AHNAK: variants seen among roughly 807,000 people sequenced by gnomAD.
The protein encoded by AHNAK is neuroblast differentiation-associated protein AHNAK.
AHNAK carries 23 observed loss-of-function variants against 37.8 expected under a neutral mutation model. The observed-to-expected ratio is 0.61, with a 90% CI of 0.44 to 0.86. AHNAK has a LOEUF of 0.86. Among genes scored for constraint, AHNAK ranks in the 40% least tolerant of loss-of-function variants. The pLI, the probability that AHNAK is intolerant of heterozygous loss-of-function variation, is 0.00. For missense variants in AHNAK, 7,411 were observed against 7,319.4 expected, an observed-to-expected ratio of 1.01 and a Z score of -0.46; for synonymous variants, 2,481 against 2,636.3, an observed-to-expected ratio of 0.94 and a Z score of 1.80.
chr11:62,525,476 C>T lies in AHNAK; in HGVS notation c.8941G>A (p.Val2981Met). ...HLKGPKVKGD[V>M]DISLPKVEGD... ...TCCACTTTGGGCAGAGAAATATCCA[C>T]ATCGCCCTTCACCTTGGGACCTTTC... The change falls in exon 5 of 5, where the codon GTG (valine) becomes ATG (methionine). Residue 2981 changes from valine to methionine, a missense_variant. By Grantham distance (21) the Val-to-Met change is conservative. Coordinates refer to ENST00000378024, the MANE Select transcript of AHNAK (RefSeq NM_001620.3). 6.2e-7 allele frequency: 1 copy of T among 1,612,882 alleles called. No homozygotes were observed. Among genetic ancestry groups the T allele is most frequent in the Non-Finnish European group, 8.5e-7 (1 of 1,179,746 alleles).
intron 5 of AHNAK, among the ~76,000 whole-genome samples, chr11:62,462,253 C>G (rs1039952925): frequency 1.3e-5 from 2 of 151,996 alleles, no homozygotes; most frequent in East Asian, 1.9e-4. Flanking sequence ...ACCTGACCTC[C>G]GCCCTCCCAT....
Position 62,439,318 on chromosome 11 carries a change from G to A in AHNAK, c.443-5427C>T, listed in dbSNP as rs558670460. 3.3e-5 allele frequency among the ~76,000 whole-genome samples: 5 copies of A among 151,788 alleles called. No individual in the cohort carries two copies. In the South Asian group the frequency reaches 8.3e-4, roughly 25 times the overall value. On this transcript the variant is annotated intron_variant, in intron 5 of 5. Coordinates refer to the AHNAK transcript ENST00000257247. ...TCGCTGTTTTAGTCAGGATGGTCTCGAACTCCTGACCTTGTGATCCGCCCA... is the reference window on the plus strand; with the variant it reads ...TCGCTGTTTTAGTCAGGATGGTCTCAAACTCCTGACCTTGTGATCCGCCCA...
intron 5 of AHNAK, among the ~76,000 whole-genome samples, chr11:62,484,917 G>A (rs1939358896): frequency 6.6e-6 from 1 of 152,166 alleles, no homozygotes; most frequent in Admixed American, 6.5e-5. Flanking sequence ...AGCCTCCAGG[G>A]TAGCTGGGAT....
intron 5 of AHNAK, among the ~76,000 whole-genome samples, chr11:62,486,426 T>C (rs1388235411): frequency 6.6e-6 from 1 of 151,802 alleles, no homozygotes; most frequent in Non-Finnish European, 1.5e-5. Flanking sequence ...TGAGCCAAGA[T>C]TGTGCCATTT....
chr11:62,545,800 C>T (rs1941288828), intron 1 of AHNAK: 1 of 152,450 alleles, frequency 6.6e-6, no homozygotes, highest in Non-Finnish European at 1.5e-5. Flanking sequence ...CCACATTCCT[C>T]AGGCTGCTGG....
At chr11:62,447,936 G>T (rs1378475578) in intron 5 of AHNAK, among the ~76,000 whole-genome samples, 1 of 152,142 alleles carries the variant, frequency 6.6e-6, no homozygotes, top group African/African-American at 2.4e-5. Context: ...TGCTCTGAAT[G>T]AAATGACTGG....
Position 62,534,025 on chromosome 11 carries a change from G to A in AHNAK, c.392C>T (p.Pro131Leu). ...CACTCCATCTTCCGACTTCAGCCGTGGCTTGATCTTCGTGGTGTAGATGCG... is the reference window on the plus strand; with the variant it reads ...CACTCCATCTTCCGACTTCAGCCGTAGCTTGATCTTCGTGGTGTAGATGCG... ...YQRIYTTKIK[P>L]RLKSEDGVEG... Residue 131 changes from proline (P) to leucine (L), a missense_variant, in exon 5 of 5, where the codon CCA (proline) becomes CTA (leucine). Coordinates refer to ENST00000378024, the MANE Select transcript of AHNAK (RefSeq NM_001620.3). The A allele has an allele frequency of 6.3e-7, 1 of 1,580,300 alleles. No individual in the cohort carries two copies. Among genetic ancestry groups the A allele is most frequent in the Non-Finnish European group, 8.6e-7 (1 of 1,161,852 alleles).
At chr11:62,495,786 TG>T (rs1028108127) in intron 4 of AHNAK, among the ~76,000 whole-genome samples, 46 of 147,524 alleles carry the variant, frequency 3.1e-4, no homozygotes, top group African/African-American at 1.1e-3. Flanking sequence ...CAGTGGCTCA[TG>T]CCTGTAATCC....
At chr11:62,538,304 G>A (rs540551893) in intron 1 of AHNAK, among the ~76,000 whole-genome samples, 1 of 152,288 alleles carries the variant, frequency 6.6e-6, no homozygotes, top group East Asian at 1.9e-4. Context: ...TGCCACACCA[G>A]GCCCTGAGCC....
intron 5 of AHNAK, among the ~76,000 whole-genome samples, chr11:62,436,992 A>T (rs1590576319): frequency 6.6e-6 from 1 of 152,116 alleles, no homozygotes; most frequent in South Asian, 2.1e-4. Flanking sequence ...AAAGCACACA[A>T]TGGACAGCTT....
chr11:62,520,796 C>T lies in AHNAK; in HGVS notation c.13621G>A (p.Val4541Ile), dbSNP rs202195084. The change falls in exon 5 of 5, where the codon GTT (valine) becomes ATT (isoleucine). Residue 4541 changes from valine to isoleucine, a missense_variant. Val to Ile is a conservative substitution (Grantham distance 29). Transcript: ENST00000378024. ...TTCAGATCTCCCTCCAGTTTAGGAA[C>T]GGAAATGTCCATATCTCCTTTTATC... ...PKIKGDMDISVPKLEGDLKGP... is the reference protein window; with the variant it reads ...PKIKGDMDISIPKLEGDLKGP... The T allele has an allele frequency of 5.3e-5, 86 of 1,613,960 alleles. No individual in the cohort carries two copies. In the East Asian group the frequency reaches 6.5e-4, roughly 12 times the overall value.
chr11:62,516,424 G>C lies in AHNAK; in HGVS notation c.*320C>G. On this transcript the variant is annotated 3_prime_UTR_variant, in exon 5 of 5. Coordinates refer to ENST00000378024, the MANE Select transcript of AHNAK (RefSeq NM_001620.3). ...AACTAACAATGTTCAGTAAAAATGAGGATAATAAACACAAAAGCTTGCTTA... is the reference window on the plus strand; with the variant it reads ...AACTAACAATGTTCAGTAAAAATGACGATAATAAACACAAAAGCTTGCTTA... 4.0e-6 allele frequency: 5 copies of C among 1,248,610 alleles called. No homozygotes were observed. Among genetic ancestry groups the C allele is most frequent in the Non-Finnish European group, 5.1e-6 (5 of 978,004 alleles). 77.3% of individuals were successfully genotyped at this position (1,248,610 alleles called of 1,614,324 possible). A position where few individuals can be genotyped will look rare whatever the true frequency, so the allele number is the denominator to read the frequency against.
chr11:62,469,858 A>G (rs1938994677), intron 5 of AHNAK, among the ~76,000 whole-genome samples: 1 of 152,212 alleles, frequency 6.6e-6, no homozygotes, highest in African/African-American at 2.4e-5. Flanking sequence ...AACCTGTGAA[A>G]CTGATTGAGT....
intron 5 of AHNAK, among the ~76,000 whole-genome samples, chr11:62,454,881 T>G (rs1053599122): frequency 2.0e-5 from 3 of 152,058 alleles, no homozygotes; most frequent in Non-Finnish European, 2.9e-5. Context: ...ACACCTTCCT[T>G]AAGTGATCTC....
Position 62,525,084 on chromosome 11 carries a change from C to G in AHNAK, c.9333G>C (p.Val3111=). Residue 3111 remains valine, a synonymous_variant, in exon 5 of 5, where the codon GTG becomes GTC. Coordinates refer to ENST00000378024, the MANE Select transcript of AHNAK (RefSeq NM_001620.3). ...TGTCACCTTCCACTTTTGGCAGAGACACATCCATGTCACCCTTCACTTTGG... is the reference window on the plus strand; with the variant it reads ...TGTCACCTTCCACTTTTGGCAGAGAGACATCCATGTCACCCTTCACTTTGG... ...KGPKVKGDMD[V]SLPKVEGDMK... The G allele has an allele frequency of 6.2e-7, 1 of 1,613,868 alleles. No homozygotes were observed. Among genetic ancestry groups the G allele is most frequent in the Non-Finnish European group, 8.5e-7 (1 of 1,179,952 alleles).
At chr11:62,489,955 G>A (rs564247336) in intron 5 of AHNAK, among the ~76,000 whole-genome samples, 1 of 152,066 alleles carries the variant, frequency 6.6e-6, no homozygotes, top group African/African-American at 2.4e-5. Flanking sequence ...GAAGGAGAGG[G>A]CACAGCACCA....
At chr11:62,542,572 G>A (rs570513597) in intron 1 of AHNAK, among the ~76,000 whole-genome samples, 3 of 152,034 alleles carry the variant, frequency 2.0e-5, no homozygotes, top group East Asian at 1.9e-4. Context: ...CCCCAGCCAC[G>A]CACAGCCCCA....
At position 62,529,346 on chromosome 11, in the gene AHNAK, C is replaced by T. The variant is rs778502284; in HGVS notation, c.5071G>A (p.Gly1691Arg). The T allele has an allele frequency of 3.1e-6, 5 of 1,613,966 alleles. No individual in the cohort carries two copies. In the African/African-American group the frequency reaches 5.3e-5, roughly 17 times the overall value. ...EMKVPDVDIK[G>R]PKVDIDAPDV... Reference sequence around the variant, plus strand: ...GGGGCATCAATGTCCACTTTGGGCCCTTTAATGTCAACATCTGGCACTTTC... The same window carrying T: ...GGGGCATCAATGTCCACTTTGGGCCTTTTAATGTCAACATCTGGCACTTTC... Residue 1691 changes from glycine (G) to arginine (R), a missense_variant, in exon 5 of 5, where the codon GGG becomes AGG. Physicochemically the swap from Gly to Arg is moderately radical, Grantham distance 125. Coordinates refer to ENST00000378024, the MANE Select transcript of AHNAK (RefSeq NM_001620.3).
chr11:62,450,717 G>C (rs1424284297), intron 5 of AHNAK, among the ~76,000 whole-genome samples: 3 of 152,248 alleles, frequency 2.0e-5, no homozygotes, highest in African/African-American at 7.2e-5. Flanking sequence ...CTCCACCAGA[G>C]AGAGGAAGTC....
Sources: allele counts gnomAD v4.1 joint callset (sites outside exome capture counted in the v4.1 genomes callset), GRCh38; gene constraint gnomAD v4.1.1; transcripts MANE v1.5; gene names NCBI Gene and HGNC (gene_info 2026-07-23, HGNC 2026-07-21).